CTNND2: variants seen among roughly 807,000 people sequenced by gnomAD.
CTNND2 encodes the protein catenin delta 2.
CTNND2 carries 22 observed loss-of-function variants against 144.4 expected under a neutral mutation model. The observed-to-expected ratio is 0.15, with a 90% CI of 0.11 to 0.22. The LOEUF is 0.22. Among genes scored for constraint, CTNND2 ranks in the 10% least tolerant of loss-of-function variants. The pLI is 1.00. For missense variants in CTNND2, 1,353 were observed against 1,618.8 expected (o/e 0.84, Z 2.82); for synonymous variants, 751 against 695.6 (o/e 1.08, Z -1.25).
At chr5:11,414,078 G>A (rs997841903) in intron 3 of CTNND2, among the ~76,000 whole-genome samples, 1 of 152,160 alleles carries the variant, frequency 6.6e-6, no homozygotes, top group African/African-American at 2.4e-5. Context: ...GCTTATAAGA[G>A]ATAGAAGAGA....
At chr5:11,268,809 T>C (rs1486593482) in intron 9 of CTNND2, among the ~76,000 whole-genome samples, 4 of 152,180 alleles carry the variant, frequency 2.6e-5, no homozygotes, top group Non-Finnish European at 5.9e-5. Flanking sequence ...GTCTTCAAAA[T>C]TACGGGTAAT....
chr5:11,634,723 AG>A (rs2051261301), intron 2 of CTNND2, among the ~76,000 whole-genome samples: 1 of 152,208 alleles, frequency 6.6e-6, no homozygotes, highest in Non-Finnish European at 1.5e-5. Context: ...GTAATATTTA[AG>A]GGAAAGGTGG....
intron 16 of CTNND2, among the ~76,000 whole-genome samples, chr5:11,074,790 C>T (rs1748739739): frequency 6.6e-6 from 1 of 152,172 alleles, no homozygotes; most frequent in Admixed American, 6.5e-5. Flanking sequence ...TCTTTATTTT[C>T]ACTCAAAGAC....
At chr5:11,280,578 C>T (rs2149995441) in intron 9 of CTNND2, among the ~76,000 whole-genome samples, 1 of 152,176 alleles carries the variant, frequency 6.6e-6, no homozygotes, top group East Asian at 1.9e-4. Context: ...TTTGTGACTT[C>T]ATTTAATCTT....
intron 9 of CTNND2, among the ~76,000 whole-genome samples, chr5:11,319,130 C>T (rs1187580254): frequency 6.6e-6 from 1 of 152,024 alleles, no homozygotes; most frequent in Non-Finnish European, 1.5e-5. Context: ...AGTGGCACAC[C>T]TCTCATTCCC....
chr5:10,998,091 A>T (rs1009233854), intron 18 of CTNND2, among the ~76,000 whole-genome samples: 2 of 152,258 alleles, frequency 1.3e-5, no homozygotes, highest in African/African-American at 4.8e-5. Flanking sequence ...AATTGCTTAC[A>T]AAGGAACTCC....
intron 16 of CTNND2, among the ~76,000 whole-genome samples, chr5:11,026,518 T>C (rs1267791257): frequency 6.6e-6 from 1 of 151,856 alleles, no homozygotes; most frequent in African/African-American, 2.4e-5. Flanking sequence ...CCACCACACC[T>C]GGCTACCTTT....
chr5:11,214,189 A>G (rs1738935731), intron 10 of CTNND2, among the ~76,000 whole-genome samples: 1 of 152,222 alleles, frequency 6.6e-6, no homozygotes, highest in Non-Finnish European at 1.5e-5. Context: ...AATAAATAGT[A>G]AAATGCTCTG....
intron 3 of CTNND2, among the ~76,000 whole-genome samples, chr5:11,480,368 G>T (rs1164004711): frequency 6.6e-6 from 1 of 152,136 alleles, no homozygotes; most frequent in African/African-American, 2.4e-5. Context: ...CATGATTGAA[G>T]GTTTCCAGCA....
intron 9 of CTNND2, among the ~76,000 whole-genome samples, chr5:11,304,971 T>G (rs115309984): frequency 2.2e-3 from 292 of 135,726 alleles, no homozygotes; most frequent in East Asian, 8.9e-3. Flanking sequence ...CTTGCTTGCT[T>G]GCTGAATGAA....
chr5:11,327,584 T>G (rs1459775754), intron 9 of CTNND2, among the ~76,000 whole-genome samples: 1 of 152,186 alleles, frequency 6.6e-6, no homozygotes, highest in Non-Finnish European at 1.5e-5. Context: ...CTAAGACTGT[T>G]AAGGTCAAGT....
chr5:11,804,770 T>A (rs778115194), intron 1 of CTNND2, among the ~76,000 whole-genome samples: 3 of 152,208 alleles, frequency 2.0e-5, no homozygotes, highest in Non-Finnish European at 4.4e-5. Flanking sequence ...CTATTCTGCA[T>A]GACACTACTC....
At chr5:11,662,429 T>C (rs1466342043) in intron 2 of CTNND2, among the ~76,000 whole-genome samples, 2 of 151,674 alleles carry the variant, frequency 1.3e-5, no homozygotes, top group Non-Finnish European at 2.9e-5. Flanking sequence ...GAGTCCAATG[T>C]TTGAGGGCAG....
intron 2 of CTNND2, among the ~76,000 whole-genome samples, chr5:11,713,838 A>G (rs1786180588): frequency 1.3e-5 from 2 of 152,102 alleles, no homozygotes; most frequent in East Asian, 3.9e-4. Context: ...ATGGTTTGAA[A>G]CATTCATTAA....
intron 16 of CTNND2, among the ~76,000 whole-genome samples, chr5:11,063,749 A>G (rs1747247755): frequency 6.6e-6 from 1 of 150,480 alleles, no homozygotes. Flanking sequence ...TTAAAATGCC[A>G]CCCGGGAAAC....
intron 1 of CTNND2, among the ~76,000 whole-genome samples, chr5:11,785,640 C>T (rs1790787457): frequency 7.7e-6 from 1 of 129,410 alleles, no homozygotes; most frequent in Non-Finnish European, 1.7e-5. Context: ...ATCCCAAACT[C>T]GCAGGTTAAA....
chr5:11,550,151 T>A (rs187369515), intron 3 of CTNND2, among the ~76,000 whole-genome samples: 96 of 152,366 alleles, frequency 6.3e-4, no homozygotes, highest in African/African-American at 2.2e-3. Flanking sequence ...CTGAGGTAAC[T>A]GTTATTCTCC....
intron 10 of CTNND2, among the ~76,000 whole-genome samples, chr5:11,214,917 G>C (rs745733852): frequency 5.9e-5 from 9 of 152,020 alleles, no homozygotes; most frequent in Non-Finnish European, 8.8e-5. Context: ...TTCCATCTTA[G>C]CTCCATTTAC....
intron 2 of CTNND2, among the ~76,000 whole-genome samples, chr5:11,640,522 T>C (rs1341141449): frequency 6.6e-6 from 1 of 152,130 alleles, no homozygotes. Context: ...CCAACAACAA[T>C]AACAAATAGC....
Sources: allele counts gnomAD v4.1 joint callset (sites outside exome capture counted in the v4.1 genomes callset), GRCh38; gene constraint gnomAD v4.1.1; transcripts MANE v1.5; gene names NCBI Gene and HGNC (gene_info 2026-07-23, HGNC 2026-07-21).